SDCBP2: variants seen among roughly 807,000 people sequenced by gnomAD.
SDCBP2 encodes syndecan binding protein 2.
In SDCBP2, 28 loss-of-function variants were observed where a neutral mutation model predicts 30.7. That is an observed-to-expected ratio of 0.91 (90% CI 0.68 to 1.25). The LOEUF is 1.25. SDCBP2 is among the 50% of genes most tolerant of loss of function. The pLI, the probability that SDCBP2 is intolerant of heterozygous loss-of-function variation, is 0.00. For synonymous variants in SDCBP2, 166 were observed against 157.3 expected (o/e 1.06, Z -0.41); for missense variants, 399 against 379.0 (o/e 1.05, Z -0.44).
chr20:1,313,531 G>A lies in SDCBP2; in HGVS notation c.226-33C>T, dbSNP rs1236728626. On this transcript the variant is annotated intron_variant, in intron 4 of 8. Transcript: ENST00000360779. This position sits in a 1 kb window ranked among gnomAD's most constrained non-coding sequence, Gnocchi z 5.2. ...CACCAGGGGGCAGGGGGTCAGCCCGGCCCGTGGGGACCCTGTGCCTCAGGA... is the reference window on the plus strand; with the variant it reads ...CACCAGGGGGCAGGGGGTCAGCCCGACCCGTGGGGACCCTGTGCCTCAGGA... The A allele has an allele frequency of 3.9e-6, 6 of 1,544,298 alleles. No homozygotes were observed. Among genetic ancestry groups the A allele is most frequent in the East Asian group, 2.4e-5 (1 of 42,452 alleles).
rs902928294 is a variant in SDCBP2 at position 1,320,763 on chromosome 20, G to T, written c.-19-328C>A. 2 of 193,274 alleles carry T rather than the reference G, an allele frequency of 1.0e-5. No individual in the cohort carries two copies. The highest frequency in any genetic ancestry group is 2.1e-3 in the Middle Eastern group (1 of 470). 12.0% of individuals were successfully genotyped at this position (193,274 alleles called of 1,614,324 possible). ...CACTGCTCCAGAGGGAGGAGGGAAT[G>T]GGGGGTGGAGAGGCACCATGAGCAC... is the stretch of plus-strand genomic sequence containing the variant. On this transcript the variant is annotated intron_variant, in intron 1 of 8. Coordinates refer to ENST00000360779, the MANE Select transcript of SDCBP2 (RefSeq NM_080489.5). This position sits in a 1 kb window ranked among gnomAD's most constrained non-coding sequence, Gnocchi z 4.7.
At chr20:1,325,772 C>G (rs1371892583) in intron 1 of SDCBP2, 1 of 152,236 alleles carries the variant, frequency 6.6e-6, no homozygotes, top group Non-Finnish European at 1.5e-5. Context: ...TCGAAAGCGT[C>G]AAGTCCCAAG....
chr20:1,312,900 A>T, intron 5 of SDCBP2, 138 bp from the exon 6 acceptor site: 1 of 896,098 alleles, frequency 1.1e-6, no homozygotes, highest in Non-Finnish European at 1.6e-6. Context: ...GCAGGCACCA[A>T]GGTTACCCCA....
At chr20:1,328,453 G>A (rs1220620449) in intron 1 of SDCBP2, among the ~76,000 whole-genome samples, 1 of 152,126 alleles carries the variant, frequency 6.6e-6, no homozygotes, top group Non-Finnish European at 1.5e-5. Context: ...GAAGCTGCCT[G>A]TCCAGTGCTC....
rs1479021410 is a variant in SDCBP2, at chr20:1,312,575, C to T, written c.560+12G>A. The T allele has an allele frequency of 1.2e-6, 2 of 1,613,398 alleles. No homozygotes were observed. The highest frequency in any genetic ancestry group is 1.7e-6 in the Non-Finnish European group (2 of 1,179,424). ...GGTGAGACGGAGAGGCTGCCCGGGC[C>T]TGGCTACTCACCTGTCCCGAACCAC... On this transcript the variant is annotated intron_variant, in intron 6 of 8. Transcript: ENST00000360779.
At position 1,310,610 on chromosome 20, in the gene SDCBP2, G is replaced by C. The variant is rs1174322988; in HGVS notation, c.825-115C>G. The C allele has an allele frequency of 4.4e-6, 5 of 1,124,360 alleles. No individual in the cohort carries two copies. The East Asian group carries it at 1.3e-4, about 28-fold the overall frequency. The allele number at this position is 1,124,360 out of a possible 1,614,324, so 69.6% of individuals were successfully genotyped here. On this transcript the variant is annotated intron_variant, in intron 8 of 8. Coordinates refer to ENST00000360779, the MANE Select transcript of SDCBP2 (RefSeq NM_080489.5). ...TGTGGGCCTTCACTCCCAGTTCTAA[G>C]ACTTTCGAATCACCAGAAGCCACAA...
Position 1,313,008 on chromosome 20 carries a change from T to TA in SDCBP2, c.385-247dup, listed in dbSNP as rs561224544. On this transcript the variant is annotated intron_variant, in intron 5 of 8. Coordinates refer to ENST00000360779, the MANE Select transcript of SDCBP2 (RefSeq NM_080489.5). This position sits in a 1 kb window ranked among gnomAD's most constrained non-coding sequence, Gnocchi z 5.2. ...GGCTGCACTCCGAAACACTCCACTG[T>TA]ACCATTCACAAAGGCATGGGCTTCC... The TA allele has an allele frequency of 1.1e-4, 63 of 591,278 alleles. 1 individual carries two copies. The South Asian group carries it at 1.2e-3, about 11-fold the overall frequency. The allele number at this position is 591,278 out of a possible 1,614,324, so 36.6% of individuals were successfully genotyped here. A position where few individuals can be genotyped will look rare whatever the true frequency, so the allele number is the denominator to read the frequency against.
In SDCBP2 at chr20:1,320,294, C is replaced by T; in HGVS notation, c.54+69G>A. ...GGAATCTCCAAGTGGCCCCAGTACCCAGCACCTTCCAGGGTAATCCCCAAG... is the reference window on the plus strand; with the variant it reads ...GGAATCTCCAAGTGGCCCCAGTACCTAGCACCTTCCAGGGTAATCCCCAAG... On this transcript the variant is annotated intron_variant, in intron 2 of 8. Transcript: ENST00000360779. The surrounding 1 kb of genome is among the most constrained non-coding windows in gnomAD (Gnocchi z 4.7). 1.4e-6 allele frequency: 2 copies of T among 1,471,506 alleles called. No individual in the cohort carries two copies. Among genetic ancestry groups the T allele is most frequent in the Non-Finnish European group, 1.9e-6 (2 of 1,061,870 alleles). 91.2% of individuals were successfully genotyped at this position (1,471,506 alleles called of 1,614,324 possible). A position where few individuals can be genotyped will look rare whatever the true frequency, so the allele number is the denominator to read the frequency against.
intron 1 of SDCBP2, chr20:1,325,831 C>T (rs2088917463): frequency 6.6e-6 from 1 of 152,204 alleles, no homozygotes; most frequent in African/African-American, 2.4e-5. Context: ...GTTTCTCACC[C>T]GTTTCTTGTC....
At chr20:1,326,496 C>G (rs2088928508) in intron 1 of SDCBP2, among the ~76,000 whole-genome samples, 1 of 152,218 alleles carries the variant, frequency 6.6e-6, no homozygotes, top group Non-Finnish European at 1.5e-5. Flanking sequence ...TAGTTCATGC[C>G]TCCATGCTTT....
intron 1 of SDCBP2, chr20:1,325,715 C>T (rs1268442910): frequency 6.6e-6 from 1 of 152,208 alleles, no homozygotes; most frequent in Non-Finnish European, 1.5e-5. Flanking sequence ...GGGAGGAGAA[C>T]CAGGTCGGCC....
Position 1,318,312 on chromosome 20 carries a change from A to G in SDCBP2, c.225+6T>C, listed in dbSNP as rs2088808156. The stretch of plus-strand genomic sequence containing the variant: ...CGCCCGCAGCAGGCAGAAGCCAAAT[A>G]CATACACTGTCACCCTCTGGAATCT... On this transcript the variant is annotated splice_donor_region_variant and intron_variant, in intron 4 of 8. Coordinates refer to ENST00000360779, the MANE Select transcript of SDCBP2 (RefSeq NM_080489.5). 3 of 1,604,216 alleles carry G rather than the reference A, an allele frequency of 1.9e-6. No individual in the cohort carries two copies. The highest frequency in any genetic ancestry group is 2.6e-6 in the Non-Finnish European group (3 of 1,171,016).
In SDCBP2 at chr20:1,310,669, C is replaced by G. The variant is rs1323656370; in HGVS notation, c.824+131G>C. The G allele has an allele frequency of 4.0e-6, 4 of 1,006,342 alleles. No homozygotes were observed. In the East Asian group the frequency reaches 7.3e-5, roughly 18 times the overall value. 62.3% of individuals were successfully genotyped at this position (1,006,342 alleles called of 1,614,324 possible). A position where few individuals can be genotyped will look rare whatever the true frequency, so the allele number is the denominator to read the frequency against. Reference sequence around the variant, plus strand: ...GGAGGGAGGGGAAGGGAGGATAGAGCTGGCTGAGCCTGTGCCCTGTGTCAG... The same window carrying G: ...GGAGGGAGGGGAAGGGAGGATAGAGGTGGCTGAGCCTGTGCCCTGTGTCAG... On this transcript the variant is annotated intron_variant, in intron 8 of 8. Coordinates refer to ENST00000360779, the MANE Select transcript of SDCBP2 (RefSeq NM_080489.5).
In SDCBP2 at chr20:1,312,707, C is replaced by G; in HGVS notation, c.440G>C (p.Arg147Pro). ...ANTPASLVGL[R>P]FGDQLLQIDG... is the part of the protein sequence containing the mutation. ...AATCTGCAGGAGCTGGTCCCCAAAG[C>G]GCAGCCCCACAAGGGATGCAGGGGT... is the stretch of plus-strand genomic sequence containing the variant. The change falls in exon 6 of 9, where the codon CGC becomes CCC. Residue 147 changes from arginine (R) to proline (P), a missense_variant. Transcript: ENST00000360779. 6.2e-7 allele frequency: 1 copy of G among 1,614,104 alleles called. No individual in the cohort carries two copies. The highest frequency in any genetic ancestry group is 8.5e-7 in the Non-Finnish European group (1 of 1,180,024).
chr20:1,319,524 C>A, intron 3 of SDCBP2, 66 bp downstream of exon 3: 1 of 1,497,454 alleles, frequency 6.7e-7, no homozygotes, highest in Non-Finnish European at 9.1e-7. Flanking sequence ...CATTGCCAAG[C>A]TTCCCTGATG....
intron 8 of SDCBP2, 77 bp downstream of exon 8, chr20:1,310,723 G>C: frequency 7.6e-7 from 1 of 1,323,730 alleles, no homozygotes; most frequent in Admixed American, 1.8e-5. Context: ...GGCTGAGCCA[G>C]GTGCACCTGG....
At position 1,320,703 on chromosome 20, in the gene SDCBP2, C is replaced by T. The variant is rs185607107; in HGVS notation, c.-19-268G>A. 107 of 310,866 alleles carry T rather than the reference C, an allele frequency of 3.4e-4. No homozygotes were observed. Among genetic ancestry groups the T allele is most frequent in the South Asian group, 3.2e-3 (58 of 18,102 alleles). 19.3% of individuals were successfully genotyped at this position (310,866 alleles called of 1,614,324 possible). A position where few individuals can be genotyped will look rare whatever the true frequency, so the allele number is the denominator to read the frequency against. ...AGTAGGAAATTTATAAAGACTCTCA[C>T]ACAAACTGTAGCAGAACTTAGACAC... On this transcript the variant is annotated intron_variant, in intron 1 of 8. Coordinates refer to ENST00000360779, the MANE Select transcript of SDCBP2 (RefSeq NM_080489.5). This position sits in a 1 kb window ranked among gnomAD's most constrained non-coding sequence, Gnocchi z 4.7.
Position 1,313,643 on chromosome 20 carries a change from G to A in SDCBP2, c.226-145C>T. 7.2e-7 allele frequency: 1 copy of A among 1,388,662 alleles called. No individual in the cohort carries two copies. Among genetic ancestry groups the A allele is most frequent in the Non-Finnish European group, 9.3e-7 (1 of 1,073,906 alleles). The allele number at this position is 1,388,662 out of a possible 1,614,324, so 86.0% of individuals were successfully genotyped here. On this transcript the variant is annotated intron_variant, in intron 4 of 8. Transcript: ENST00000360779. This position sits in a 1 kb window ranked among gnomAD's most constrained non-coding sequence, Gnocchi z 5.2. ...GTCCCCAGTCCACGCTTCTCCCCTA[G>A]GGGCGAGAGGAGACGTGGCTCCACG...
chr20:1,319,044 G>A (rs2088818173), intron 3 of SDCBP2, among the ~76,000 whole-genome samples: 2 of 152,308 alleles, frequency 1.3e-5, no homozygotes, highest in South Asian at 4.1e-4. Flanking sequence ...TAAGGCAAGT[G>A]GGGTTCTGGC....
Sources: gnomAD v4.1 joint callset for allele counts (sites outside exome capture counted in the v4.1 genomes callset) on GRCh38, gnomAD v4.1.1 for gene constraint, Gnocchi (gnomAD v3.1) non-coding constraint, MANE v1.5 for transcripts, NCBI Gene and HGNC (gene_info 2026-07-23, HGNC 2026-07-21) for gene names.